STAB2: variants seen among roughly 807,000 people sequenced by gnomAD.
STAB2 encodes the protein stabilin 2, also known as stabilin-2.
A neutral mutation model predicts 338.1 loss-of-function variants in STAB2; 288 were observed. That is an observed-to-expected ratio of 0.85 (90% CI 0.77 to 0.94). The LOEUF is 0.94. Among genes scored for constraint, STAB2 ranks in the 40% least tolerant of loss-of-function variants. The probability of loss-of-function intolerance (pLI) is 0.00; values close to 1 mark genes in which losing one functional copy is unlikely to be tolerated. For synonymous variants in STAB2, 1,202 were observed against 1,193.3 expected, an observed-to-expected ratio of 1.01 and a Z score of -0.15; for missense variants, 3,141 against 3,210.1, an observed-to-expected ratio of 0.98 and a Z score of 0.52.
At chr12:103,755,569 C>A (rs1411058867) in intron 62 of STAB2, 43 bp from the exon 63 acceptor site, 1 of 1,612,492 alleles carries the variant, frequency 6.2e-7, no homozygotes, top group Non-Finnish European at 8.5e-7. Flanking sequence ...AGCCCTGGCC[C>A]CTGCCTTACT....
Position 103,737,622 on chromosome 12 carries a change from T to G in STAB2, c.5551-12T>G. Reference sequence around the variant, plus strand: ...TCTCTTTCTCTTTTTTTTTTTTTTTTTTCTTTCTTAGGGTGACCTCTTTCT... The same window carrying G: ...TCTCTTTCTCTTTTTTTTTTTTTTTGTTCTTTCTTAGGGTGACCTCTTTCT... On this transcript the variant is annotated splice_polypyrimidine_tract_variant and intron_variant, in intron 52 of 68. Transcript: ENST00000388887. 3 of 1,508,660 alleles carry G rather than the reference T, an allele frequency of 2.0e-6. No individual in the cohort carries two copies. The highest frequency in any genetic ancestry group is 2.7e-6 in the Non-Finnish European group (3 of 1,127,878). The allele number at this position is 1,508,660 out of a possible 1,614,324, so 93.5% of individuals were successfully genotyped here.
At chr12:103,681,973 A>G (rs1186068432) in intron 25 of STAB2, among the ~76,000 whole-genome samples, 1 of 152,078 alleles carries the variant, frequency 6.6e-6, no homozygotes, top group East Asian at 1.9e-4. Flanking sequence ...ATTATATCGT[A>G]TCAACCCTAT....
At chr12:103,702,304 T>TC in intron 34 of STAB2, among the ~76,000 whole-genome samples, 1 of 151,432 alleles carries the variant, frequency 6.6e-6, no homozygotes, top group Middle Eastern at 3.4e-3. Context: ...ATTTTTTTTT[T>TC]TTTTTGAGAC....
Position 103,705,612 on chromosome 12 carries a change from T to G in STAB2, c.3901-20T>G. The G allele has an allele frequency of 6.2e-7, 1 of 1,611,378 alleles. No individual in the cohort carries two copies. The highest frequency in any genetic ancestry group is 1.1e-5 in the South Asian group (1 of 91,018). On this transcript the variant is annotated intron_variant, in intron 36 of 68. Coordinates refer to ENST00000388887, the MANE Select transcript of STAB2 (RefSeq NM_017564.10). The stretch of plus-strand genomic sequence containing the variant: ...CTTTTTCCTAACTTAGGAGCTGACG[T>G]AGTCATTAATATTTCACAGGGTAAT...
At position 103,673,619 on chromosome 12, in the gene STAB2, G is replaced by A. The variant is rs539295797; in HGVS notation, c.2372-288G>A. ...CCACGTCAGCTTCCCGGTGTGCTGG[G>A]ATTACAGGCATGAGCCACCATGCTC... On this transcript the variant is annotated intron_variant, in intron 22 of 68. Coordinates refer to ENST00000388887, the MANE Select transcript of STAB2 (RefSeq NM_017564.10). Among the ~76,000 whole-genome samples, 6 of 152,358 alleles carry A rather than the reference G, an allele frequency of 3.9e-5. No individual in the cohort carries two copies. In the South Asian group the frequency reaches 1.0e-3, roughly 26 times the overall value.
chr12:103,640,380 C>G, intron 9 of STAB2, 124 bp downstream of exon 9: 1 of 1,244,394 alleles, frequency 8.0e-7, no homozygotes, highest in South Asian at 1.6e-5. Flanking sequence ...CCCCACCCCA[C>G]ATAGTAGGAG....
In STAB2 at chr12:103,673,967, C is replaced by T. The variant is rs773907312; in HGVS notation, c.2432C>T (p.Thr811Ile). The T allele has an allele frequency of 5.6e-6, 9 of 1,613,998 alleles. No homozygotes were observed. The highest frequency in any genetic ancestry group is 1.6e-4 in the Middle Eastern group (1 of 6,084). Residue 811 changes from threonine to isoleucine, a missense_variant, in exon 23 of 69, where the codon ACT becomes ATT. Thr to Ile is a moderately conservative substitution (Grantham distance 89). Transcript: ENST00000388887. ...NRIDSDGACL[T>I]GTCRDGSAGR... ...ATAGACAGCGATGGGGCCTGCCTCA[C>T]TGGCACATGCAGAGACGGCTCTGCC...
At chr12:103,635,555 C>G (rs1413659916) in intron 6 of STAB2, among the ~76,000 whole-genome samples, 1 of 152,208 alleles carries the variant, frequency 6.6e-6, no homozygotes, top group Non-Finnish European at 1.5e-5. Context: ...AGCCAGGAGC[C>G]CCAGACTGCG....
At chr12:103,619,257 A>G (rs893056872) in intron 3 of STAB2, among the ~76,000 whole-genome samples, 1 of 152,098 alleles carries the variant, frequency 6.6e-6, no homozygotes, top group Non-Finnish European at 1.5e-5. Flanking sequence ...GACACATTTC[A>G]TGGTCATTGC....
At chr12:103,626,734 G>A (rs1243297171) in intron 5 of STAB2, among the ~76,000 whole-genome samples, 1 of 152,174 alleles carries the variant, frequency 6.6e-6, no homozygotes, top group South Asian at 2.1e-4. Context: ...CCGGGAGGTG[G>A]CCATTCTGCC....
At chr12:103,745,488 TGAAACTA>T (rs1566069667) in intron 57 of STAB2, among the ~76,000 whole-genome samples, 1 of 152,198 alleles carries the variant, frequency 6.6e-6, no homozygotes, top group Non-Finnish European at 1.5e-5. Context: ...CTCAAACCTA[TGAAACTA>T]GCATGTCATC....
In STAB2 at chr12:103,689,983, G is replaced by A. The variant is rs554691480; in HGVS notation, c.3182+1G>A. The stretch of plus-strand genomic sequence containing the variant: ...AGAGCAATATTCCAGCCCTAATAAA[G>A]TAGGTGTTACTTATTTTATTTTACA... On this transcript the variant is annotated splice_donor_variant, in intron 29 of 68. Coordinates refer to ENST00000388887, the MANE Select transcript of STAB2 (RefSeq NM_017564.10). LOFTEE classifies it high-confidence loss of function. 1.2e-6 allele frequency: 2 copies of A among 1,611,934 alleles called. No homozygotes were observed. Among genetic ancestry groups the A allele is most frequent in the Admixed American group, 1.7e-5 (1 of 59,392 alleles).
Position 103,766,589 on chromosome 12 carries a change from G to C in STAB2, c.*253G>C. On this transcript the variant is annotated 3_prime_UTR_variant, in exon 69 of 69. Transcript: ENST00000388887. The stretch of plus-strand genomic sequence containing the variant: ...CTTCAGCTGGCACCTGCTCCATTCT[G>C]CCCTACATGATGGGTAACTGTGATC... 1 of 469,318 alleles carries C rather than the reference G, an allele frequency of 2.1e-6. No homozygotes were observed. The highest frequency in any genetic ancestry group is 3.9e-6 in the Non-Finnish European group (1 of 258,532). 29.1% of individuals were successfully genotyped at this position (469,318 alleles called of 1,614,324 possible).
chr12:103,685,457 CGTGCGTGTGTGT>C (rs1354058577), intron 27 of STAB2, among the ~76,000 whole-genome samples: 1 of 136,274 alleles, frequency 7.3e-6, no homozygotes, highest in Non-Finnish European at 1.6e-5. Context: ...TGTGTGTGCG[CGTGCGTGTGTGT>C]GTGCGTGCGC....
intron 30 of STAB2, among the ~76,000 whole-genome samples, chr12:103,692,589 C>G (rs1293837805): frequency 6.6e-6 from 1 of 150,654 alleles, no homozygotes; most frequent in Non-Finnish European, 1.5e-5. Context: ...CTCTCTCTCT[C>G]TCTGTCTCTG....
At chr12:103,604,966 T>C (rs959867926) in intron 3 of STAB2, among the ~76,000 whole-genome samples, 3 of 151,792 alleles carry the variant, frequency 2.0e-5, no homozygotes, top group African/African-American at 7.2e-5. Context: ...TTTTCTCATA[T>C]AGTATTTATT....
intron 22 of STAB2, among the ~76,000 whole-genome samples, chr12:103,673,471 C>T (rs1324941521): frequency 6.6e-6 from 1 of 152,174 alleles, no homozygotes; most frequent in Non-Finnish European, 1.5e-5. Flanking sequence ...CTCTCGGCCT[C>T]TGCAGTAACT....
intron 2 of STAB2, among the ~76,000 whole-genome samples, 175 bp downstream of exon 2, chr12:103,591,205 C>T (rs1251712044): frequency 1.3e-5 from 2 of 152,080 alleles, no homozygotes; most frequent in Non-Finnish European, 2.9e-5. Context: ...ATATTGTTGG[C>T]CAGGTGTGGT....
rs144188932 is a variant in STAB2, at chr12:103,707,067, G to A, written c.4192+80G>A. On this transcript the variant is annotated intron_variant, in intron 38 of 68. Transcript: ENST00000388887. Reference sequence around the variant, plus strand: ...ATGCAGGGAAAGAGTGATCCCACACGTGCTCTCTAGCTGGCCTGTCGCCCC... The same window carrying A: ...ATGCAGGGAAAGAGTGATCCCACACATGCTCTCTAGCTGGCCTGTCGCCCC... 3.2e-4 allele frequency: 476 copies of A among 1,498,840 alleles called. 1 individual carries two copies. In the East Asian group the frequency reaches 0.01, roughly 33 times the overall value. 92.8% of individuals were successfully genotyped at this position (1,498,840 alleles called of 1,614,324 possible). A position where few individuals can be genotyped will look rare whatever the true frequency, so the allele number is the denominator to read the frequency against.
Sources: gnomAD v4.1 joint callset for allele counts (sites outside exome capture counted in the v4.1 genomes callset) on GRCh38, gnomAD v4.1.1 for gene constraint, MANE v1.5 for transcripts, NCBI Gene and HGNC (gene_info 2026-07-23, HGNC 2026-07-21) for gene names.